HIVEP3: variants seen among roughly 807,000 people sequenced by gnomAD.
HIVEP3 encodes the protein HIVEP zinc finger 3.
HIVEP3 carries 49 observed loss-of-function variants against 152.8 expected under a neutral mutation model. The ratio of observed to expected loss-of-function variants is 0.32; its 90% CI spans 0.26 to 0.41. The LOEUF (loss-of-function observed/expected upper bound fraction) is 0.41, where lower values mean the gene tolerates loss of function less well. Ranked by LOEUF, HIVEP3 falls within the 10% of genes least tolerant of loss-of-function variation. The probability of loss-of-function intolerance (pLI) is 1.00; values close to 1 mark genes in which losing one functional copy is unlikely to be tolerated. For missense variants in HIVEP3, 2,790 were observed against 3,103.3 expected (o/e 0.90, Z 2.40); for synonymous variants, 1,269 against 1,289.0 (o/e 0.98, Z 0.33).
At chr1:41,835,487 G>A (rs1557430651) in intron 1 of HIVEP3, among the ~76,000 whole-genome samples, 1 of 152,164 alleles carries the variant, frequency 6.6e-6, no homozygotes, top group Non-Finnish European at 1.5e-5. Flanking sequence ...TCCAAAAGGT[G>A]CTATTTCCAA....
rs1167294881 is a variant in HIVEP3 at position 41,991,856 on chromosome 1, A to G, written n.119+43951T>C. 1.7e-4 allele frequency among the ~76,000 whole-genome samples: 21 copies of G among 122,606 alleles called. No homozygotes were observed. The South Asian group carries it at 6.1e-3, about 36-fold the overall frequency. 80.4% of individuals were successfully genotyped at this position (122,606 alleles called of 152,430 possible). A position where few individuals can be genotyped will look rare whatever the true frequency, so the allele number is the denominator to read the frequency against. On this transcript the variant is annotated intron_variant and non_coding_transcript_variant, in intron 1 of 3. Coordinates refer to the HIVEP3 transcript ENST00000489103. ...AGGCTGGTTCAATATACGCAAATCA[A>G]TAAATGTAATCCAGCATATAAACAG...
intron 5 of HIVEP3, among the ~76,000 whole-genome samples, chr1:41,562,632 T>C (rs1218175501): frequency 5.0e-5 from 6 of 121,174 alleles, no homozygotes; most frequent in African/African-American, 2.2e-4. Context: ...TCTCTCTCTC[T>C]CCCTCTCTCT....
Position 41,560,968 on chromosome 1 carries a change from C to A in HIVEP3, c.5207+14576G>T, listed in dbSNP as rs540029041. Among the ~76,000 whole-genome samples the A allele has an allele frequency of 4.6e-5, 7 of 152,334 alleles. No individual in the cohort carries two copies. The South Asian group carries it at 1.5e-3, about 32-fold the overall frequency. Reference sequence around the variant, plus strand: ...TCCTGCAGCAAGCTCAGATGAGGTCCTTTGACCTTCAAGGAAGATCAGCTT... The same window carrying A: ...TCCTGCAGCAAGCTCAGATGAGGTCATTTGACCTTCAAGGAAGATCAGCTT... On this transcript the variant is annotated intron_variant, in intron 5 of 8. Transcript: ENST00000372583.
chr1:41,695,928 G>T lies in HIVEP3; in HGVS notation c.-721+4988C>A, dbSNP rs75929363. Among the ~76,000 whole-genome samples, 181 of 152,296 alleles carry T rather than the reference G, an allele frequency of 1.2e-3. 4 individuals carry two copies. In the East Asian group the frequency reaches 0.03, roughly 26 times the overall value. ...GGCTGATGAATGGGAAGAGCCCTGGGCTTGGAGTGAGAGACCCACATCCAC... is the reference window on the plus strand; with the variant it reads ...GGCTGATGAATGGGAAGAGCCCTGGTCTTGGAGTGAGAGACCCACATCCAC... On this transcript the variant is annotated intron_variant, in intron 2 of 8. Transcript: ENST00000372583.
At chr1:41,821,940 G>A (rs890077629) in intron 1 of HIVEP3, among the ~76,000 whole-genome samples, 2 of 152,198 alleles carry the variant, frequency 1.3e-5, no homozygotes, top group Non-Finnish European at 2.9e-5. Context: ...GGATGCACAG[G>A]CCATTTTGAT....
chr1:41,654,258 G>A (rs1645597420), intron 2 of HIVEP3, among the ~76,000 whole-genome samples: 2 of 152,210 alleles, frequency 1.3e-5, no homozygotes. Flanking sequence ...CCCTGGGGAA[G>A]GAATCTCCAA....
At chr1:41,516,964 C>T (rs1174408670) in intron 7 of HIVEP3, among the ~76,000 whole-genome samples, 1 of 152,278 alleles carries the variant, frequency 6.6e-6, no homozygotes, top group Non-Finnish European at 1.5e-5. Flanking sequence ...TGCCCAGCTC[C>T]CCTGCCATGC....
intron 2 of HIVEP3, among the ~76,000 whole-genome samples, chr1:41,639,149 TTTTA>T (rs1553241390): frequency 6.6e-6 from 1 of 152,204 alleles, no homozygotes; most frequent in Non-Finnish European, 1.5e-5. Flanking sequence ...CTATTTTCAG[TTTTA>T]TTTGTTATTG....
At chr1:41,821,436 C>G (rs1642598358) in intron 1 of HIVEP3, among the ~76,000 whole-genome samples, 1 of 152,168 alleles carries the variant, frequency 6.6e-6, no homozygotes, top group African/African-American at 2.4e-5. Context: ...GCTTTTTGGG[C>G]CTATGTCAAG....
chr1:41,913,572 AT>A (rs1383991085), intron 1 of HIVEP3, among the ~76,000 whole-genome samples: 1 of 151,694 alleles, frequency 6.6e-6, no homozygotes, highest in Non-Finnish European at 1.5e-5. Context: ...TTTTATTTTT[AT>A]TTTTTTTAAG....
At chr1:41,904,219 C>A (rs1644673557) in intron 1 of HIVEP3, among the ~76,000 whole-genome samples, 1 of 152,048 alleles carries the variant, frequency 6.6e-6, no homozygotes, top group Non-Finnish European at 1.5e-5. Context: ...TGATTGGCAG[C>A]AGCAGGAGGG....
intron 1 of HIVEP3, among the ~76,000 whole-genome samples, chr1:42,035,242 C>G: frequency 6.6e-6 from 1 of 152,218 alleles, no homozygotes; most frequent in East Asian, 1.9e-4. Flanking sequence ...AACGTAGAGA[C>G]GGAGAGACCC....
At chr1:42,025,177 C>G (rs1009728231) in intron 1 of HIVEP3, among the ~76,000 whole-genome samples, 3 of 152,186 alleles carry the variant, frequency 2.0e-5, no homozygotes, top group African/African-American at 7.2e-5. Flanking sequence ...GCTTCCATGT[C>G]TTTTAGCCTC....
chr1:41,787,875 A>G (rs1649455976), intron 1 of HIVEP3, among the ~76,000 whole-genome samples: 2 of 151,984 alleles, frequency 1.3e-5, no homozygotes, highest in African/African-American at 4.8e-5. Context: ...TTAGGTGAGG[A>G]ATGGGGGCAG....
At chr1:41,906,756 G>T (rs1490465769) in intron 1 of HIVEP3, among the ~76,000 whole-genome samples, 1 of 151,912 alleles carries the variant, frequency 6.6e-6, no homozygotes, top group African/African-American at 2.4e-5. Context: ...ACTGTGCTAT[G>T]CTCTGAAGCT....
At position 41,512,884 on chromosome 1, in the gene HIVEP3, G is replaced by T. The variant is rs1272514018; in HGVS notation, c.6337C>A (p.Leu2113Ile). Residue 2113 changes from leucine (L) to isoleucine (I), a missense_variant, in exon 8 of 9, where the codon CTC becomes ATC. Leu to Ile is a conservative substitution (Grantham distance 5, BLOSUM62 2). Around this residue, in one of 9 missense-constraint regions of HIVEP3, gnomAD observed 816 missense variants for 806.5 expected, o/e 1.01. Coordinates refer to ENST00000372583, the MANE Select transcript of HIVEP3 (RefSeq NM_024503.5). ...TGAGGTAGAGGCGCGGGCGGGAAGA[G>T]AACCCGTGGGTCCAGCCCCAAGCCT... ...GPGLGLDPRV[L>I]FPPAPLPHKL... 2 of 1,563,604 alleles carry T rather than the reference G, an allele frequency of 1.3e-6. No homozygotes were observed. The highest frequency in any genetic ancestry group is 2.4e-5 in the East Asian group (1 of 41,940).
intron 1 of HIVEP3, among the ~76,000 whole-genome samples, chr1:41,778,402 G>A (rs1207382753): frequency 1.3e-5 from 2 of 152,176 alleles, no homozygotes; most frequent in African/African-American, 2.4e-5. Context: ...TGCCCGGCTT[G>A]GCATATCACA....
intron 5 of HIVEP3, among the ~76,000 whole-genome samples, chr1:41,528,441 TCCCACCCTCACACACAC>T (rs1643091813): frequency 2.0e-5 from 1 of 50,266 alleles, no homozygotes; most frequent in Non-Finnish European, 3.9e-5. Context: ...CAGACTCACA[TCCCACCCTCACACACAC>T]CCCACCCTCA....
intron 5 of HIVEP3, among the ~76,000 whole-genome samples, chr1:41,556,034 A>C (rs755059147): frequency 2.0e-5 from 3 of 152,208 alleles, no homozygotes; most frequent in African/African-American, 4.8e-5. Context: ...CTGTTTATCC[A>C]TCAGTGGACA....
Sources: gnomAD v4.1 joint callset for allele counts (sites outside exome capture counted in the v4.1 genomes callset) on GRCh38, gnomAD v4.1.1 for gene constraint, gnomAD v4.1.1 regional missense constraint, MANE v1.5 for transcripts, NCBI Gene and HGNC (gene_info 2026-07-23, HGNC 2026-07-21) for gene names.